The following CLNK variants were observed in gnomAD, a reference collection of about 807,000 sequenced individuals.
CLNK encodes cytokine dependent hematopoietic cell linker, also known as cytokine-dependent hematopoietic cell linker.
A neutral mutation model predicts 68.6 loss-of-function variants in CLNK; 74 were observed. The observed-to-expected ratio is 1.08, with a 90% confidence interval of 0.89 to 1.31. CLNK has a LOEUF of 1.31. Among genes scored for constraint, CLNK ranks in the 50% most tolerant of loss-of-function variants. CLNK has a pLI of 0.00. For missense variants in CLNK, 553 were observed against 515.3 expected (o/e 1.07, Z -0.71); for synonymous variants, 198 against 172.2 (o/e 1.15, Z -1.17).
the CLNK span, among the ~76,000 whole-genome samples, chr4:10,699,343 T>TACACACACCACATACGTGTGTGTATAC: frequency 1.3e-3 from 39 of 29,918 alleles, 3 homozygotes; most frequent in Non-Finnish European, 2.1e-3. Context: ...CGTGTGTGTA[T>TACACACACCACATACGTGTGTGTATAC]ACACACACAC....
chr4:10,488,763 T>A lies in CLNK; in HGVS notation c.*1704A>T, dbSNP rs2109012929. 2 of 152,340 alleles carry A rather than the reference T, an allele frequency of 1.3e-5. 1 individual carries two copies. The highest frequency in any genetic ancestry group is 4.1e-4 in the South Asian group (2 of 4,824). The allele number at this position is 152,340 out of a possible 1,614,324, so 9.4% of individuals were successfully genotyped here. ...ATAGTGGGTAGATGCTAAGAGCTTT[T>A]CCCAGAGAGCTCATTGTCTGCTGTC... On this transcript the variant is annotated 3_prime_UTR_variant, in exon 19 of 19. Coordinates refer to ENST00000226951, the MANE Select transcript of CLNK (RefSeq NM_052964.4).
At chr4:10,644,185 C>A (rs1374170999) in intron 2 of CLNK, among the ~76,000 whole-genome samples, 2 of 152,184 alleles carry the variant, frequency 1.3e-5, no homozygotes, top group Non-Finnish European at 2.9e-5. Context: ...AGGTGTAGAG[C>A]ATATTTCCAT....
intron 18 of CLNK, among the ~76,000 whole-genome samples, chr4:10,499,844 C>G (rs1287919481): frequency 2.0e-5 from 3 of 152,158 alleles, no homozygotes; most frequent in Admixed American, 6.5e-5. Context: ...TCTGTGTGTG[C>G]CTGTGTCCTA....
chr4:10,501,450 C>T lies in CLNK; in HGVS notation c.985-39G>A, dbSNP rs16869153. The T allele has an allele frequency of 4.8e-3, 7,652 of 1,588,780 alleles. 381 individuals carry two copies. The East Asian group carries it at 0.13, about 26-fold the overall frequency. Reference sequence around the variant, plus strand: ...AGTAACAGTCATCTTTTCAGACACGCCAGCATTCTGCCCTTGTAATGGTGG... The same window carrying T: ...AGTAACAGTCATCTTTTCAGACACGTCAGCATTCTGCCCTTGTAATGGTGG... On this transcript the variant is annotated intron_variant, in intron 17 of 18. Coordinates refer to ENST00000226951, the MANE Select transcript of CLNK (RefSeq NM_052964.4).
chr4:10,617,646 C>A (rs1310041493), intron 2 of CLNK, among the ~76,000 whole-genome samples: 21 of 152,180 alleles, frequency 1.4e-4, no homozygotes, highest in Admixed American at 1.4e-3. Context: ...ATCCATGAGC[C>A]AAGCCAGACT....
intron 3 of CLNK, among the ~76,000 whole-genome samples, chr4:10,597,335 G>T (rs1721422145): frequency 6.6e-6 from 1 of 152,214 alleles, no homozygotes; most frequent in South Asian, 2.1e-4. Context: ...GGTTTAGTCG[G>T]CTGGGCAGCC....
intron 2 of CLNK, among the ~76,000 whole-genome samples, chr4:10,644,227 C>T (rs745770780): frequency 1.3e-5 from 2 of 152,178 alleles, no homozygotes; most frequent in South Asian, 2.1e-4. Flanking sequence ...CAGGCACAAG[C>T]TTTGCTTTAT....
the CLNK span, among the ~76,000 whole-genome samples, chr4:10,708,730 A>AG: frequency 6.6e-6 from 1 of 152,200 alleles, no homozygotes; most frequent in South Asian, 2.1e-4. Context: ...GGGTACAGGA[A>AG]GGCCTGGAGT....
chr4:10,531,636 T>A (rs1718545767), intron 12 of CLNK: 1 of 411,260 alleles, frequency 2.4e-6, no homozygotes, highest in Non-Finnish European at 4.8e-6. Flanking sequence ...AGATGGGGTT[T>A]CTTCATGTTG....
the CLNK span, chr4:10,692,078 G>C: frequency 2.0e-5 from 3 of 151,650 alleles, no homozygotes; most frequent in Non-Finnish European, 2.9e-5. Context: ...GAATGAGAAA[G>C]GAACCAGAAT....
chr4:10,693,878 T>C, the CLNK span, among the ~76,000 whole-genome samples: 47 of 152,300 alleles, frequency 3.1e-4, no homozygotes, highest in African/African-American at 1.0e-3. Flanking sequence ...CATAACCATG[T>C]GTTGCAGAGT....
At chr4:10,504,116 C>CTATT (rs1717180432) in intron 17 of CLNK, among the ~76,000 whole-genome samples, 1 of 67,328 alleles carries the variant, frequency 1.5e-5, no homozygotes, top group African/African-American at 5.4e-5. Context: ...TCTTTGGGTT[C>CTATT]TTTTTTTTTT....
intron 14 of CLNK, chr4:10,524,092 A>G (rs1718201302): frequency 5.1e-6 from 1 of 197,256 alleles, no homozygotes; most frequent in African/African-American, 2.4e-5. Flanking sequence ...AGAGAAGAGG[A>G]GGAGGAGGAG....
intron 18 of CLNK, among the ~76,000 whole-genome samples, chr4:10,496,612 A>G (rs10004277): frequency 0.99 from 151,389 of 152,348 alleles, 75,230 homozygotes; most frequent in East Asian, 1. Flanking sequence ...CAAACGGGTG[A>G]GGGATTGCTT....
At chr4:10,599,493 G>GT (rs929570684) in intron 2 of CLNK, among the ~76,000 whole-genome samples, 23 of 151,592 alleles carry the variant, frequency 1.5e-4, no homozygotes, top group East Asian at 1.9e-4. Context: ...ATTATTCATT[G>GT]TTTTTTTTCT....
intron 2 of CLNK, among the ~76,000 whole-genome samples, chr4:10,606,479 A>G (rs1721796994): frequency 6.6e-6 from 1 of 152,174 alleles, no homozygotes; most frequent in Non-Finnish European, 1.5e-5. Flanking sequence ...AAATAACAAT[A>G]AAAAGTATAG....
chr4:10,602,543 G>A (rs1015251183), intron 2 of CLNK, among the ~76,000 whole-genome samples: 4 of 152,194 alleles, frequency 2.6e-5, no homozygotes, highest in African/African-American at 9.6e-5. Context: ...ACTAAACGCT[G>A]GAAGAGGCAG....
At chr4:10,659,614 A>G (rs1417829802) in intron 2 of CLNK, among the ~76,000 whole-genome samples, 1 of 152,024 alleles carries the variant, frequency 6.6e-6, no homozygotes, top group Non-Finnish European at 1.5e-5. Context: ...CTCAGAAAAA[A>G]TCCTCCCCAC....
chr4:10,597,421 G>C (rs1338464288), intron 3 of CLNK, among the ~76,000 whole-genome samples: 2 of 152,182 alleles, frequency 1.3e-5, no homozygotes, highest in South Asian at 2.1e-4. Flanking sequence ...CACAGGATTC[G>C]ATCAAGTTCT....
Sources: allele counts gnomAD v4.1 joint callset (sites outside exome capture counted in the v4.1 genomes callset), GRCh38; gene constraint gnomAD v4.1.1; transcripts MANE v1.5; gene names NCBI Gene and HGNC (gene_info 2026-07-23, HGNC 2026-07-21).